CADPS2: variants seen among roughly 807,000 people sequenced by gnomAD.
CADPS2 encodes the protein calcium-dependent secretion activator 2.
Under a neutral mutation model 172.5 loss-of-function variants are expected in CADPS2, and 93 were observed. That is an observed-to-expected ratio of 0.54 (90% CI 0.46 to 0.64). CADPS2 has a LOEUF of 0.64. CADPS2 is among the 30% of genes least tolerant of loss of function. The probability of loss-of-function intolerance (pLI) is 0.00; values close to 1 mark genes in which losing one functional copy is unlikely to be tolerated. For synonymous variants in CADPS2, 546 were observed against 555.2 expected (o/e 0.98, Z 0.23); for missense variants, 1,420 against 1,565.9 (o/e 0.91, Z 1.57).
At chr7:122,863,341 T>C (rs1237439445) in intron 1 of CADPS2, among the ~76,000 whole-genome samples, 1 of 152,192 alleles carries the variant, frequency 6.6e-6, no homozygotes, top group Admixed American at 6.5e-5. Context: ...TTTGCCTACA[T>C]AATGTTTAAG....
At chr7:122,418,958 T>C (rs1351386307) in intron 17 of CADPS2, among the ~76,000 whole-genome samples, 2 of 152,240 alleles carry the variant, frequency 1.3e-5, no homozygotes, top group Non-Finnish European at 2.9e-5. Context: ...ACTGCTACTC[T>C]GCTTCAAGAT....
chr7:122,738,445 C>T (rs55807328), intron 1 of CADPS2, among the ~76,000 whole-genome samples: 1 of 151,058 alleles, frequency 6.6e-6, no homozygotes. Context: ...ACAACATAGT[C>T]TTGGAGATAA....
In CADPS2 at chr7:122,524,129, A is replaced by AGTTTAGCAAGAAACAAAAG. The variant is rs2061022635; in HGVS notation, c.1476-10833_1476-10815dup. 2.0e-5 allele frequency among the ~76,000 whole-genome samples: 3 copies of AGTTTAGCAAGAAACAAAAG among 152,342 alleles called. No homozygotes were observed. In the South Asian group the frequency reaches 6.2e-4, roughly 32 times the overall value. On this transcript the variant is annotated intron_variant, in intron 8 of 29. Coordinates refer to ENST00000449022, the MANE Select transcript of CADPS2 (RefSeq NM_017954.11). ...CTTTCCTTTCCCTGAAAACGTAAAT[A>AGTTTAGCAAGAAACAAAAG]GTTTAGCAAGAAACAAAAGGTTTAG...
intron 5 of CADPS2, among the ~76,000 whole-genome samples, chr7:122,616,376 T>C (rs1264759466): frequency 1.3e-5 from 2 of 152,088 alleles, no homozygotes; most frequent in African/African-American, 4.8e-5. Context: ...ATGATAAGAA[T>C]TTTGATCCAA....
At chr7:122,365,406 C>T (rs529639303) in intron 25 of CADPS2, among the ~76,000 whole-genome samples, 2 of 152,272 alleles carry the variant, frequency 1.3e-5, no homozygotes, top group South Asian at 4.1e-4. Flanking sequence ...TTGAGGCACA[C>T]CTAGTAGAAG....
intron 7 of CADPS2, among the ~76,000 whole-genome samples, chr7:122,573,896 T>C (rs1320413589): frequency 6.6e-6 from 1 of 152,162 alleles, no homozygotes; most frequent in Non-Finnish European, 1.5e-5. Flanking sequence ...TTTCTTCAAA[T>C]GGTTTTCACT....
At position 122,451,528 on chromosome 7, in the gene CADPS2, T is replaced by C. The variant is rs1448125173; in HGVS notation, c.2187-53A>G. 6.9e-6 allele frequency: 7 copies of C among 1,011,150 alleles called. No individual in the cohort carries two copies. In the African/African-American group the frequency reaches 1.0e-4, roughly 15 times the overall value. The allele number at this position is 1,011,150 out of a possible 1,614,324, so 62.6% of individuals were successfully genotyped here. On this transcript the variant is annotated intron_variant, in intron 14 of 29. Transcript: ENST00000449022. ...CATATTGATCGAACATTTACTTTTA[T>C]ATATTTTATACATATGTATATTTAA...
At chr7:122,475,723 C>G (rs1474270740) in intron 12 of CADPS2, among the ~76,000 whole-genome samples, 1 of 152,100 alleles carries the variant, frequency 6.6e-6, no homozygotes, top group Non-Finnish European at 1.5e-5. Context: ...GAAGGGTCTT[C>G]AGAATCACAC....
At chr7:122,827,072 C>G (rs920529088) in intron 1 of CADPS2, among the ~76,000 whole-genome samples, 2 of 152,026 alleles carry the variant, frequency 1.3e-5, no homozygotes, top group African/African-American at 4.8e-5. Flanking sequence ...ACACAAAACA[C>G]CAATGTCAAG....
At chr7:122,600,188 C>T (rs769141308) in intron 6 of CADPS2, among the ~76,000 whole-genome samples, 3 of 152,088 alleles carry the variant, frequency 2.0e-5, no homozygotes, top group Non-Finnish European at 4.4e-5. Flanking sequence ...AAGCAAACAA[C>T]ACATGCAGTA....
At chr7:122,612,535 T>C (rs866782423) in intron 6 of CADPS2, among the ~76,000 whole-genome samples, 9 of 152,026 alleles carry the variant, frequency 5.9e-5, no homozygotes, top group East Asian at 3.9e-4. Flanking sequence ...GAAAGGGAAA[T>C]TGAAGGTCTA....
chr7:122,857,862 A>G (rs764434539), intron 1 of CADPS2, among the ~76,000 whole-genome samples: 1 of 152,002 alleles, frequency 6.6e-6, no homozygotes, highest in South Asian at 2.1e-4. Flanking sequence ...TCTTTCAGAT[A>G]TGTCTGGAGC....
intron 2 of CADPS2, among the ~76,000 whole-genome samples, chr7:122,710,209 AG>A (rs2088481064): frequency 6.6e-6 from 1 of 152,082 alleles, no homozygotes; most frequent in South Asian, 2.1e-4. Context: ...GTGAGTTCCC[AG>A]CAGTCAGAAA....
intron 1 of CADPS2, among the ~76,000 whole-genome samples, chr7:122,835,630 G>A (rs1356147494): frequency 1.3e-5 from 2 of 152,200 alleles, no homozygotes; most frequent in South Asian, 2.1e-4. Context: ...AGAACTACGT[G>A]ATGAATGTAC....
intron 2 of CADPS2, among the ~76,000 whole-genome samples, chr7:122,700,736 T>C (rs542283879): frequency 1.3e-5 from 2 of 152,212 alleles, no homozygotes; most frequent in Non-Finnish European, 2.9e-5. Flanking sequence ...TCATTACCAT[T>C]TGGAGAGGAA....
intron 11 of CADPS2, among the ~76,000 whole-genome samples, chr7:122,483,056 G>C (rs935255798): frequency 1.3e-5 from 2 of 152,136 alleles, no homozygotes; most frequent in South Asian, 2.1e-4. Flanking sequence ...GTCCAGAAAT[G>C]GGGAAAATGC....
chr7:122,674,868 T>C (rs117115924), intron 2 of CADPS2, among the ~76,000 whole-genome samples: 314 of 152,354 alleles, frequency 2.1e-3, no homozygotes, highest in Non-Finnish European at 3.6e-3. Context: ...TAAAATATTG[T>C]CTCATAATTT....
At chr7:122,398,738 T>TCCTC (rs2045502477) in intron 20 of CADPS2, among the ~76,000 whole-genome samples, 1 of 131,398 alleles carries the variant, frequency 7.6e-6, no homozygotes, top group African/African-American at 2.9e-5. Context: ...GAAAACACTC[T>TCCTC]TCTCTCTCTC....
chr7:122,832,082 G>A (rs1286065828), intron 1 of CADPS2, among the ~76,000 whole-genome samples: 2 of 152,108 alleles, frequency 1.3e-5, no homozygotes, highest in African/African-American at 4.8e-5. Context: ...TACCAATTAT[G>A]TATCAAGCAT....
Sources: allele counts gnomAD v4.1 joint callset (sites outside exome capture counted in the v4.1 genomes callset), GRCh38; gene constraint gnomAD v4.1.1; transcripts MANE v1.5; gene names NCBI Gene and HGNC (gene_info 2026-07-23, HGNC 2026-07-21).